Variants in NONO observed in about 807,000 individuals in gnomAD.
The protein encoded by NONO is non-POU domain-containing octamer-binding protein.
In NONO, 6 loss-of-function variants were observed where a neutral mutation model predicts 40.2. That is an observed-to-expected ratio of 0.15 (90% confidence interval 0.08 to 0.29). NONO has a LOEUF of 0.29. NONO is among the 10% of genes least tolerant of loss of function. The pLI is 1.00. For synonymous variants in NONO, 89 were observed against 123.3 expected (o/e 0.72, Z 1.85); for missense variants, 133 against 397.8 (o/e 0.33, Z 5.66).
intron 8 of NONO, 178 bp downstream of exon 8, chrX:71,297,639 C>A: frequency 2.0e-6 from 1 of 494,049 alleles, no homozygotes. Flanking sequence ...CTAGAAGTTA[C>A]CTGCTAAAAA....
intron 2 of NONO, chrX:71,284,881 A>T (rs1456871678): frequency 8.9e-6 from 1 of 112,300 alleles, no homozygotes. Flanking sequence ...TCAACCAGCA[A>T]TACGTGTTTT....
chrX:71,296,441 G>A lies in NONO; in HGVS notation c.651-124G>A, dbSNP rs745634383. On this transcript the variant is annotated intron_variant, in intron 5 of 11. Coordinates refer to ENST00000276079, the MANE Select transcript of NONO (RefSeq NM_007363.5). ...CCCAAATTTTTTATAATGTCATTAG[G>A]TATAAAAACTTCAGAAGCCTCCAAT... 7.2e-4 allele frequency: 350 copies of A among 483,308 alleles called. 1 individual carries two copies. The highest frequency in any genetic ancestry group is 2.4e-3 in the Middle Eastern group (4 of 1,660). The allele number at this position is 483,308 out of a possible 1,213,427, so 39.8% of individuals were successfully genotyped here. A position where few individuals can be genotyped will look rare whatever the true frequency, so the allele number is the denominator to read the frequency against.
intron 3 of NONO, 95 bp from the exon 4 acceptor site, chrX:71,291,684 A>G: frequency 1.5e-6 from 1 of 662,810 alleles, no homozygotes; most frequent in East Asian, 3.6e-5. Flanking sequence ...TACAACAATT[A>G]ATGTTTCCTC....
At chrX:71,288,406 ATCTTT>A (rs1346341649) in intron 2 of NONO, among the ~76,000 whole-genome samples, 1 of 109,642 alleles carries the variant, frequency 9.1e-6, no homozygotes, top group Non-Finnish European at 1.9e-5. Flanking sequence ...CAGCCTATTT[ATCTTT>A]TCTTTTTTTT....
At chrX:71,289,048 C>T (rs891345266) in intron 2 of NONO, among the ~76,000 whole-genome samples, 1 of 111,709 alleles carries the variant, frequency 9.0e-6, no homozygotes, top group Admixed American at 9.5e-5. Flanking sequence ...CTTGTGATAA[C>T]CAGAATCTAT....
chrX:71,298,601 CAT>C (rs2031504702), intron 10 of NONO, 93 bp downstream of exon 10: 3 of 1,048,632 alleles, frequency 2.9e-6, no homozygotes, highest in South Asian at 3.8e-5. Context: ...AAGGGGGTGA[CAT>C]ATATGTCTTA....
chrX:71,287,868 T>A, intron 2 of NONO, among the ~76,000 whole-genome samples: 1 of 92,436 alleles, frequency 1.1e-5, no homozygotes, highest in African/African-American at 4.7e-5. Flanking sequence ...CCCTACCCTT[T>A]TTTTTTTTTT....
chrX:71,284,201 CA>C (rs2031139200), intron 1 of NONO, 195 bp from the exon 2 acceptor site: 1 of 112,579 alleles, frequency 8.9e-6, no homozygotes, highest in Non-Finnish European at 1.9e-5. Flanking sequence ...TCTGCATATC[CA>C]GAGCCCGCCG....
intron 2 of NONO, among the ~76,000 whole-genome samples, chrX:71,287,896 C>T (rs765496657): frequency 1.5e-3 from 134 of 89,451 alleles, no homozygotes; most frequent in African/African-American, 5.2e-3. Flanking sequence ...AAATAAAGAC[C>T]GAGTCTTGCT....
rs1013330649 is a variant in NONO, at chrX:71,298,367, C to T, written c.1132-102C>T. On this transcript the variant is annotated intron_variant, in intron 9 of 11. Coordinates refer to ENST00000276079, the MANE Select transcript of NONO (RefSeq NM_007363.5). Reference sequence around the variant, plus strand: ...CTCAGCTTTCTCAGTGCTGTTTGGACGTGTTATCACTCTATCTACTTCCCT... The same window carrying T: ...CTCAGCTTTCTCAGTGCTGTTTGGATGTGTTATCACTCTATCTACTTCCCT... 7.4e-5 allele frequency: 52 copies of T among 699,721 alleles called. No homozygotes were observed. The Middle Eastern group carries it at 3.2e-3, about 43-fold the overall frequency. 57.7% of individuals were successfully genotyped at this position (699,721 alleles called of 1,213,427 possible). A position where few individuals can be genotyped will look rare whatever the true frequency, so the allele number is the denominator to read the frequency against.
chrX:71,290,840 G>C lies in NONO; in HGVS notation c.154+49G>C, dbSNP rs780634369. 4.6e-6 allele frequency: 5 copies of C among 1,075,892 alleles called. No individual in the cohort carries two copies. The Admixed American group carries it at 1.2e-4, about 26-fold the overall frequency. 88.7% of individuals were successfully genotyped at this position (1,075,892 alleles called of 1,213,427 possible). A position where few individuals can be genotyped will look rare whatever the true frequency, so the allele number is the denominator to read the frequency against. ...GTAGAAATGGATTCCCTCTGGGAAT[G>C]GTTTCTTGGTTTTTAGATTAGTTTC... is the stretch of plus-strand genomic sequence containing the variant. On this transcript the variant is annotated intron_variant, in intron 3 of 11. Coordinates refer to ENST00000276079, the MANE Select transcript of NONO (RefSeq NM_007363.5).
chrX:71,294,207 G>C lies in NONO; in HGVS notation c.349-20G>C. On this transcript the variant is annotated intron_variant, in intron 4 of 11. Transcript: ENST00000276079. ...GTTCTTTGTCAAACTGAGTTATTCT[G>C]ATTTTCCTCTGCTTCCTAGGAAACC... The C allele has an allele frequency of 8.3e-7, 1 of 1,205,838 alleles. No individual in the cohort carries two copies. The highest frequency in any genetic ancestry group is 1.1e-6 in the Non-Finnish European group (1 of 891,435).
chrX:71,298,183 C>A (rs917821992), intron 9 of NONO: 2 of 433,545 alleles, frequency 4.6e-6, no homozygotes, highest in African/African-American at 4.9e-5. Flanking sequence ...GATATGCAAC[C>A]TTGGCTAGTC....
intron 2 of NONO, among the ~76,000 whole-genome samples, chrX:71,287,854 T>TC (rs1162346932): frequency 2.4e-5 from 2 of 84,188 alleles, no homozygotes; most frequent in African/African-American, 9.1e-5. Context: ...TGGCCTCCCC[T>TC]CCCCCCTACC....
chrX:71,290,649 T>C lies in NONO; in HGVS notation c.12T>C (p.Asn4=). Reference sequence around the variant, plus strand: ...TGTAGGGTGCAAAAATGCAGAGTAATAAAACTTTTAACTTGGAGAAGCAAA... The same window carrying C: ...TGTAGGGTGCAAAAATGCAGAGTAACAAAACTTTTAACTTGGAGAAGCAAA... MQS[N]KTFNLEKQNH... The change falls in exon 3 of 12, where the codon AAT becomes AAC. Residue 4 remains asparagine (N), a synonymous_variant. Transcript: ENST00000276079. 1.7e-6 allele frequency: 2 copies of C among 1,209,647 alleles called. No homozygotes were observed. Among genetic ancestry groups the C allele is most frequent in the Non-Finnish European group, 2.2e-6 (2 of 894,478 alleles).
intron 2 of NONO, among the ~76,000 whole-genome samples, 178 bp downstream of exon 2, chrX:71,284,631 G>T (rs1308651137): frequency 8.9e-6 from 1 of 111,854 alleles, no homozygotes; most frequent in East Asian, 2.8e-4. Context: ...TAGTGGGGGG[G>T]CCCTGGTTAT....
chrX:71,289,992 C>A (rs2031288117), intron 2 of NONO, among the ~76,000 whole-genome samples: 2 of 111,382 alleles, frequency 1.8e-5, no homozygotes, highest in Admixed American at 1.9e-4. Context: ...TTGTCTCGAA[C>A]CCCTGACCTG....
intron 5 of NONO, among the ~76,000 whole-genome samples, chrX:71,296,227 CCT>C (rs747858103): frequency 9.5e-6 from 1 of 105,020 alleles, no homozygotes; most frequent in South Asian, 4.4e-4. Context: ...CTCATTTCAA[CCT>C]CTGTCTCCCG....
At chrX:71,296,145 CTTTTTTTTT>C (rs757644657) in intron 5 of NONO, among the ~76,000 whole-genome samples, 1 of 93,962 alleles carries the variant, frequency 1.1e-5, no homozygotes, top group South Asian at 4.6e-4. Context: ...TTTTTCTTTT[CTTTTTTTTT>C]TTTTTTTTGA....
Sources: allele counts gnomAD v4.1 joint callset (sites outside exome capture counted in the v4.1 genomes callset), GRCh38; gene constraint gnomAD v4.1.1; transcripts MANE v1.5; gene names NCBI Gene and HGNC (gene_info 2026-07-23, HGNC 2026-07-21).